TRPC5: variants seen among roughly 807,000 people sequenced by gnomAD.
TRPC5 encodes the protein short transient receptor potential channel 5.
Under a neutral mutation model 56.5 loss-of-function variants are expected in TRPC5, and 9 were observed. The ratio of observed to expected loss-of-function variants is 0.16; its 90% CI spans 0.10 to 0.28. The LOEUF (loss-of-function observed/expected upper bound fraction) is 0.28. TRPC5 is among the 10% of genes least tolerant of loss of function. The probability of loss-of-function intolerance (pLI) is 1.00; values close to 1 mark genes in which losing one functional copy is unlikely to be tolerated. For synonymous variants in TRPC5, 282 were observed against 278.5 expected, an observed-to-expected ratio of 1.01 and a Z score of -0.13; for missense variants, 469 against 748.9, an observed-to-expected ratio of 0.63 and a Z score of 4.36.
chrX:111,838,222 G>C (rs1922625254), intron 6 of TRPC5, among the ~76,000 whole-genome samples: 1 of 111,536 alleles, frequency 9.0e-6, no homozygotes, highest in Admixed American at 9.6e-5. Flanking sequence ...GGAGGGATAG[G>C]AAAGATCATT....
chrX:111,966,621 C>T (rs1362858233), intron 1 of TRPC5, among the ~76,000 whole-genome samples: 2 of 111,759 alleles, frequency 1.8e-5, no homozygotes, highest in Admixed American at 9.5e-5. Context: ...CATCAAAAAG[C>T]TTATCCACCA....
Position 112,082,584 on chromosome X carries a change from G to C in TRPC5, c.-727C>G. ...ACAGAGAAGGGGAGAGAAAAGCAAA[G>C]AGGGGTGGGGAGGGGAAAATCAAGG... On this transcript the variant is annotated 5_prime_UTR_variant, in exon 1 of 11. Coordinates refer to ENST00000262839, the MANE Select transcript of TRPC5 (RefSeq NM_012471.3). 1 of 110,561 alleles carries C rather than the reference G, an allele frequency of 9.0e-6. No individual in the cohort carries two copies. Among genetic ancestry groups the C allele is most frequent in the Non-Finnish European group, 1.9e-5 (1 of 52,875 alleles). The allele number at this position is 110,561 out of a possible 1,213,427, so 9.1% of individuals were successfully genotyped here.
intron 7 of TRPC5, among the ~76,000 whole-genome samples, chrX:111,791,791 G>A (rs1946023162): frequency 8.9e-6 from 1 of 112,259 alleles, no homozygotes; most frequent in Admixed American, 9.4e-5. Context: ...CTTGGCTAAA[G>A]TGCCAGCTTG....
intron 2 of TRPC5, among the ~76,000 whole-genome samples, chrX:111,948,977 T>C: frequency 8.9e-6 from 1 of 111,782 alleles, no homozygotes; most frequent in African/African-American, 3.2e-5. Context: ...GGAGAAGAGA[T>C]GGGCAGTCAT....
intron 1 of TRPC5, among the ~76,000 whole-genome samples, chrX:112,052,670 C>A (rs1477021707): frequency 3.6e-5 from 4 of 111,596 alleles, no homozygotes; most frequent in Non-Finnish European, 7.5e-5. Flanking sequence ...ATTGCCTGTG[C>A]TTTTGGTGTC....
chrX:111,772,690 C>T lies in TRPC5; in HGVS notation c.*3623G>A, dbSNP rs923094546. 6.3e-5 allele frequency among the ~76,000 whole-genome samples: 7 copies of T among 111,532 alleles called. No homozygotes were observed. The highest frequency in any genetic ancestry group is 2.0e-4 in the African/African-American group (6 of 30,665). Reference sequence around the variant, plus strand: ...CAAGTGAACCACCCATTTTGGCCTCCCAAAGTGCTGGGATTACAGGAGTGG... The same window carrying T: ...CAAGTGAACCACCCATTTTGGCCTCTCAAAGTGCTGGGATTACAGGAGTGG... On this transcript the variant is annotated 3_prime_UTR_variant, in exon 11 of 11. Transcript: ENST00000262839.
chrX:111,903,680 TA>T (rs1044813651), intron 3 of TRPC5: 2 of 112,103 alleles, frequency 1.8e-5, no homozygotes, highest in African/African-American at 6.5e-5. Flanking sequence ...AGACCAGTGT[TA>T]AAGCCAATTA....
chrX:112,052,022 C>T (rs1206602919), intron 1 of TRPC5, among the ~76,000 whole-genome samples: 1 of 111,765 alleles, frequency 8.9e-6, no homozygotes, highest in East Asian at 2.8e-4. Context: ...TCCACACATC[C>T]GTCAACAAGT....
chrX:111,913,446 T>C (rs1490340565), intron 2 of TRPC5, among the ~76,000 whole-genome samples: 1 of 110,723 alleles, frequency 9.0e-6, no homozygotes, highest in Non-Finnish European at 1.9e-5. Flanking sequence ...TAAAGATGAT[T>C]CGTTAGGGTC....
At chrX:111,794,206 A>G (rs188426810) in intron 7 of TRPC5, among the ~76,000 whole-genome samples, 191 of 112,103 alleles carry the variant, frequency 1.7e-3, no homozygotes, top group African/African-American at 5.5e-3. Flanking sequence ...ATTATATCTT[A>G]GTAAGACTTA....
chrX:112,040,275 C>T (rs1026009336), intron 1 of TRPC5, among the ~76,000 whole-genome samples: 2 of 112,074 alleles, frequency 1.8e-5, no homozygotes, highest in Non-Finnish European at 3.8e-5. Context: ...ATCAAAGGGA[C>T]CTTAATGTGT....
chrX:111,810,315 A>G (rs1921664281), intron 7 of TRPC5, among the ~76,000 whole-genome samples: 1 of 111,184 alleles, frequency 9.0e-6, no homozygotes, highest in Admixed American at 9.7e-5. Flanking sequence ...TGGAAATCAC[A>G]GGGGTCCATC....
In TRPC5 at chrX:111,867,844, C is replaced by G. The variant is rs1923594854; in HGVS notation, c.901-13738G>C. 2.7e-5 allele frequency among the ~76,000 whole-genome samples: 3 copies of G among 112,313 alleles called. No individual in the cohort carries two copies. The Admixed American group carries it at 2.8e-4, about 11-fold the overall frequency. On this transcript the variant is annotated intron_variant, in intron 3 of 10. Coordinates refer to ENST00000262839, the MANE Select transcript of TRPC5 (RefSeq NM_012471.3). The stretch of plus-strand genomic sequence containing the variant: ...CATCCCCAAACCCACACACACGTTT[C>G]TCTTTTCACCTTGCAGTCTATATGT...
chrX:111,808,863 G>T (rs748899200), intron 7 of TRPC5, among the ~76,000 whole-genome samples: 2 of 109,686 alleles, frequency 1.8e-5, no homozygotes, highest in South Asian at 7.9e-4. Context: ...TAGTCAGTGT[G>T]TGATGAATCC....
intron 1 of TRPC5, among the ~76,000 whole-genome samples, chrX:111,977,189 T>C (rs1927953441): frequency 9.0e-6 from 1 of 111,707 alleles, no homozygotes; most frequent in South Asian, 3.7e-4. Flanking sequence ...GCCAAAGCAG[T>C]CTTGTGCAAA....
intron 7 of TRPC5, among the ~76,000 whole-genome samples, chrX:111,815,234 C>A (rs759349300): frequency 9.0e-6 from 1 of 111,206 alleles, no homozygotes; most frequent in Non-Finnish European, 1.9e-5. Flanking sequence ...GTTCTCAAAC[C>A]TCAGTGGATA....
intron 2 of TRPC5, among the ~76,000 whole-genome samples, chrX:111,943,830 C>A (rs1926847966): frequency 8.9e-6 from 1 of 111,983 alleles, no homozygotes; most frequent in Non-Finnish European, 1.9e-5. Context: ...AATCTTAGAA[C>A]TAAGTTGGCT....
chrX:111,930,907 C>A, intron 2 of TRPC5: 1 of 130,519 alleles, frequency 7.7e-6, no homozygotes, highest in African/African-American at 3.1e-5. Flanking sequence ...CCCAATCACC[C>A]TGGAAGTGGC....
At chrX:111,859,692 T>C (rs905024021) in intron 3 of TRPC5, among the ~76,000 whole-genome samples, 4 of 112,406 alleles carry the variant, frequency 3.6e-5, no homozygotes, top group African/African-American at 1.3e-4. Flanking sequence ...AGGGACTATG[T>C]ACACAAAATA....
Sources: gnomAD v4.1 joint callset for allele counts (sites outside exome capture counted in the v4.1 genomes callset) on GRCh38, gnomAD v4.1.1 for gene constraint, MANE v1.5 for transcripts, NCBI Gene and HGNC (gene_info 2026-07-23, HGNC 2026-07-21) for gene names.